LIPG: variants seen among roughly 807,000 people sequenced by gnomAD.
LIPG encodes endothelial lipase.
LIPG carries 34 observed loss-of-function variants against 51.8 expected under a neutral mutation model. That is an observed-to-expected ratio of 0.66 (90% CI 0.50 to 0.87). The LOEUF (loss-of-function observed/expected upper bound fraction) is 0.87, where lower values mean the gene tolerates loss of function less well. LIPG is among the 40% of genes least tolerant of loss of function. LIPG has a pLI of 0.00. For synonymous variants in LIPG, 246 were observed against 246.1 expected (o/e 1.00, Z 0.00); for missense variants, 580 against 652.7 (o/e 0.89, Z 1.21).
chr18:49,573,255 G>C (rs1271634330), intron 4 of LIPG, among the ~76,000 whole-genome samples: 4 of 152,242 alleles, frequency 2.6e-5, no homozygotes, highest in Admixed American at 6.5e-5. Context: ...TGAGAGGCAG[G>C]GAGAGGCCGC....
rs2148853226 is a variant in LIPG, at chr18:49,579,761, T to G, written c.794-1654T>G. Among the ~76,000 whole-genome samples the G allele has an allele frequency of 1.5e-5, 2 of 129,926 alleles. 1 individual carries two copies. The highest frequency in any genetic ancestry group is 4.9e-4 in the South Asian group (2 of 4,056). 85.2% of individuals were successfully genotyped at this position (129,926 alleles called of 152,430 possible). The stretch of plus-strand genomic sequence containing the variant: ...TGGCCTTTCTTTCCTTTCCTTTCCT[T>G]TCCTTTCTTTTCTTTTCTTTTCTTT... On this transcript the variant is annotated intron_variant, in intron 5 of 9. Coordinates refer to ENST00000261292, the MANE Select transcript of LIPG (RefSeq NM_006033.4).
chr18:49,573,338 G>A (rs114249081), intron 4 of LIPG, among the ~76,000 whole-genome samples: 3 of 152,306 alleles, frequency 2.0e-5, no homozygotes, highest in Middle Eastern at 3.4e-3. Context: ...CACTGCTTTT[G>A]TGCCATCTTT....
intron 9 of LIPG, among the ~76,000 whole-genome samples, chr18:49,587,346 G>T (rs1026028216): frequency 6.6e-6 from 1 of 151,518 alleles, no homozygotes; most frequent in South Asian, 2.1e-4. Flanking sequence ...TGAGGCAGGC[G>T]GATCACGAGG....
chr18:49,576,224 G>A (rs189093302), intron 5 of LIPG, among the ~76,000 whole-genome samples: 36 of 152,014 alleles, frequency 2.4e-4, no homozygotes, highest in East Asian at 1.5e-3. Flanking sequence ...GCAAAAGTGC[G>A]CTCCCACTCC....
chr18:49,570,480 T>TTCTAAGG (rs2084650860), intron 4 of LIPG, among the ~76,000 whole-genome samples: 1 of 152,158 alleles, frequency 6.6e-6, no homozygotes, highest in South Asian at 2.1e-4. Flanking sequence ...ATTCTAAGGG[T>TTCTAAGG]GATCACCTAG....
intron 6 of LIPG, 143 bp from the exon 7 acceptor site, chr18:49,582,219 A>G (rs2084827409): frequency 3.2e-6 from 3 of 950,858 alleles, no homozygotes; most frequent in Non-Finnish European, 5.0e-6. Context: ...TGGACAGAAC[A>G]AGAGCAGATG....
intron 4 of LIPG, among the ~76,000 whole-genome samples, chr18:49,569,864 GCAC>G (rs2084645474): frequency 6.6e-6 from 1 of 152,180 alleles, no homozygotes; most frequent in Non-Finnish European, 1.5e-5. Context: ...GAGTCTCAGA[GCAC>G]CAGGGAACAC....
At chr18:49,561,931 G>C (rs1466530877), upstream of LIPG, 7 of 1,331,528 alleles carry the variant, frequency 5.3e-6, no homozygotes, top group Non-Finnish European at 6.7e-6. Flanking sequence ...CTCCAGTCTC[G>C]GTTCCGGCGT....
chr18:49,586,638 C>T (rs6507931), intron 8 of LIPG, 108 bp from the exon 9 acceptor site: 407,955 of 775,888 alleles, frequency 0.53, 112,500 homozygotes, highest in Middle Eastern at 0.72. Flanking sequence ...CGGGGCATGG[C>T]ATGAAAATTT....
intron 6 of LIPG, 21 bp downstream of exon 6, chr18:49,581,678 T>C (rs984383385): frequency 3.1e-6 from 5 of 1,610,518 alleles, no homozygotes; most frequent in African/African-American, 2.7e-5. Context: ...GTCCCTGGAG[T>C]GTCCCTGAGG....
At chr18:49,563,070 G>T (rs1411456134) in intron 1 of LIPG, among the ~76,000 whole-genome samples, 9 of 152,206 alleles carry the variant, frequency 5.9e-5, no homozygotes, top group Admixed American at 5.9e-4. Flanking sequence ...AGTGGAGGCA[G>T]CTTGCCCTGG....
rs755671023 is a variant in LIPG, at chr18:49,598,619, C to T, written c.*8097C>T. 6.6e-6 allele frequency: 1 copy of T among 152,292 alleles called. No homozygotes were observed. The highest frequency in any genetic ancestry group is 2.1e-4 in the South Asian group (1 of 4,836). The allele number at this position is 152,292 out of a possible 1,614,324, so 9.4% of individuals were successfully genotyped here. On this transcript the variant is annotated 3_prime_UTR_variant, in exon 10 of 10. Coordinates refer to ENST00000261292, the MANE Select transcript of LIPG (RefSeq NM_006033.4). ...CTCACAGCTTTTTATTGACTTATAA[C>T]AGGCACACAATAAACTGCACACAGG... is the stretch of plus-strand genomic sequence containing the variant.
intron 5 of LIPG, among the ~76,000 whole-genome samples, chr18:49,578,904 C>A (rs9646550): frequency 6.9e-6 from 1 of 145,944 alleles, no homozygotes; most frequent in South Asian, 2.2e-4. Flanking sequence ...CGCAGGCACT[C>A]GGCAGGCTGA....
chr18:49,588,073 A>T (rs2084902467), intron 9 of LIPG, among the ~76,000 whole-genome samples: 1 of 152,074 alleles, frequency 6.6e-6, no homozygotes, highest in Non-Finnish European at 1.5e-5. Context: ...TACAGGTGTG[A>T]GCCACTGTGC....
chr18:49,575,518 A>G lies in LIPG; in HGVS notation c.721A>G (p.Ile241Val). ...GIQMPVGHID[I>V]YPNGGDFQPG... ...TCAGATGCCTGTGGGCCACATTGAC[A>G]TCTACCCCAATGGGGGTGACTTCCA... Residue 241 changes from isoleucine to valine, a missense_variant, in exon 5 of 10, where the codon ATC becomes GTC. By Grantham distance (29) the Ile-to-Val change is conservative. Coordinates refer to ENST00000261292, the MANE Select transcript of LIPG (RefSeq NM_006033.4). 2 of 1,614,202 alleles carry G rather than the reference A, an allele frequency of 1.2e-6. No homozygotes were observed. The highest frequency in any genetic ancestry group is 1.1e-5 in the South Asian group (1 of 91,088).
chr18:49,588,321 C>T (rs910125680), intron 9 of LIPG, among the ~76,000 whole-genome samples: 5 of 145,660 alleles, frequency 3.4e-5, no homozygotes, highest in East Asian at 2.1e-4. Flanking sequence ...CTCACTCTAT[C>T]GCTCAGGCTG....
rs1568540788 is a variant in LIPG, at chr18:49,593,054, C to CTGAG, written c.*2534_*2537dup. 1.3e-5 allele frequency: 2 copies of CTGAG among 151,568 alleles called. No individual in the cohort carries two copies. Among genetic ancestry groups the CTGAG allele is most frequent in the African/African-American group, 4.9e-5 (2 of 41,224 alleles). The allele number at this position is 151,568 out of a possible 1,614,324, so 9.4% of individuals were successfully genotyped here. On this transcript the variant is annotated 3_prime_UTR_variant, in exon 10 of 10. Coordinates refer to ENST00000261292, the MANE Select transcript of LIPG (RefSeq NM_006033.4). ...CAGGTGGTCCTCCCACCTCAGCCTT[C>CTGAG]TGAGTAGCTGGGATTACAGAGATGC...
intron 5 of LIPG, among the ~76,000 whole-genome samples, chr18:49,581,208 G>C (rs1056310266): frequency 5.9e-5 from 9 of 152,234 alleles, no homozygotes; most frequent in East Asian, 3.9e-4. Flanking sequence ...TGCTGTGAGC[G>C]GGGGGTCGTG....
intron 5 of LIPG, among the ~76,000 whole-genome samples, chr18:49,577,569 G>A (rs1425953661): frequency 6.7e-6 from 1 of 149,530 alleles, no homozygotes; most frequent in Non-Finnish European, 1.5e-5. Context: ...GGGCAGAGGG[G>A]CTCCTCACTT....
Sources: allele counts gnomAD v4.1 joint callset (sites outside exome capture counted in the v4.1 genomes callset), GRCh38; gene constraint gnomAD v4.1.1; transcripts MANE v1.5; gene names NCBI Gene and HGNC (gene_info 2026-07-23, HGNC 2026-07-21).